ZNF503: variants seen among roughly 807,000 people sequenced by gnomAD.
The protein encoded by ZNF503 is zinc finger protein 503.
ZNF503 carries 15 observed loss-of-function variants against 34.4 expected under a neutral mutation model. The observed-to-expected ratio is 0.44, with a 90% CI of 0.29 to 0.67. The LOEUF (loss-of-function observed/expected upper bound fraction) is 0.67, where lower values mean the gene tolerates loss of function less well. Among genes scored for constraint, ZNF503 ranks in the 30% least tolerant of loss-of-function variants. ZNF503 has a pLI of 0.13. For synonymous variants in ZNF503, 580 were observed against 456.8 expected, an observed-to-expected ratio of 1.27 and a Z score of -3.44; for missense variants, 1,007 against 926.8, an observed-to-expected ratio of 1.09 and a Z score of -1.12.
rs538043663 is a variant in ZNF503, at chr10:75,399,558, C to T, written c.1132G>A (p.Gly378Ser). ...GGCTTGGTGGGGTCAAGTGCCACGC[C>T]GTGTGGCAGGAACTGGGGCGGGTAG... is the stretch of plus-strand genomic sequence containing the variant. ...AGYPPQFLPH[G>S]VALDPTKPGS... Residue 378 changes from glycine to serine, a missense_variant, in exon 2 of 2, where the codon GGC (glycine) becomes AGC (serine). By Grantham distance (56) the Gly-to-Ser change is moderately conservative. Coordinates refer to ENST00000372524, the MANE Select transcript of ZNF503 (RefSeq NM_032772.6). 2.5e-6 allele frequency: 4 copies of T among 1,595,384 alleles called. No individual in the cohort carries two copies. The highest frequency in any genetic ancestry group is 1.3e-5 in the African/African-American group (1 of 74,952).
chr10:75,365,473 A>G, the ZNF503 span, among the ~76,000 whole-genome samples: 1 of 152,230 alleles, frequency 6.6e-6, no homozygotes, highest in Non-Finnish European at 1.5e-5. Context: ...AGAAAGAAAA[A>G]AGAGAAATGA....
chr10:75,331,412 A>T, the ZNF503 span, among the ~76,000 whole-genome samples: 1 of 152,194 alleles, frequency 6.6e-6, no homozygotes, highest in African/African-American at 2.4e-5. Context: ...GAAGTCCCCA[A>T]CTATTTTGTA....
chr10:75,285,390 G>A, the ZNF503 span, among the ~76,000 whole-genome samples: 2 of 152,192 alleles, frequency 1.3e-5, no homozygotes, highest in Admixed American at 6.5e-5. Flanking sequence ...AATGACATTG[G>A]TGCCTTGGTC....
At chr10:75,370,675 A>G in the ZNF503 span, among the ~76,000 whole-genome samples, 1 of 149,996 alleles carries the variant, frequency 6.7e-6, no homozygotes, top group Non-Finnish European at 1.5e-5. Flanking sequence ...ACTACTCGGG[A>G]GGCTGAGGCA....
the ZNF503 span, among the ~76,000 whole-genome samples, chr10:75,322,847 A>G: frequency 6.6e-6 from 1 of 152,174 alleles, no homozygotes; most frequent in Non-Finnish European, 1.5e-5. Context: ...CTCAAAACCA[A>G]CTAACCAACC....
At chr10:75,295,238 A>C in the ZNF503 span, among the ~76,000 whole-genome samples, 1 of 150,960 alleles carries the variant, frequency 6.6e-6, no homozygotes, top group African/African-American at 2.4e-5. The surrounding 1 kb of genome is among the most constrained non-coding windows in gnomAD (Gnocchi z 4.0). Context: ...GGGTGGCAGG[A>C]GGAGGCAGGG....
At chr10:75,357,126 T>G in the ZNF503 span, among the ~76,000 whole-genome samples, 1 of 152,082 alleles carries the variant, frequency 6.6e-6, no homozygotes. Flanking sequence ...CCTTTTTTTT[T>G]TAAGCACAGG....
At chr10:75,360,114 C>CTTTTTTTT in the ZNF503 span, among the ~76,000 whole-genome samples, 1 of 108,488 alleles carries the variant, frequency 9.2e-6, no homozygotes, top group Non-Finnish European at 1.8e-5. Flanking sequence ...CCAAAGGTTT[C>CTTTTTTTT]TTTTTTTTTT....
chr10:75,287,942 C>T, the ZNF503 span, among the ~76,000 whole-genome samples: 1 of 152,182 alleles, frequency 6.6e-6, no homozygotes, highest in African/African-American at 2.4e-5. Context: ...TCTGCCGGGG[C>T]CCCTTCCCAC....
At chr10:75,287,191 G>C in the ZNF503 span, among the ~76,000 whole-genome samples, 1 of 152,094 alleles carries the variant, frequency 6.6e-6, no homozygotes, top group Non-Finnish European at 1.5e-5. Context: ...TCCTCTCCTT[G>C]TGCTTATGGT....
the ZNF503 span, among the ~76,000 whole-genome samples, chr10:75,287,837 T>C: frequency 5.3e-5 from 8 of 152,204 alleles, no homozygotes; most frequent in Non-Finnish European, 1.5e-5. Flanking sequence ...CTGAGTCTAG[T>C]TGCAAATTCC....
At chr10:75,295,916 C>A in the ZNF503 span, among the ~76,000 whole-genome samples, 817 of 152,190 alleles carry the variant, frequency 5.4e-3, 5 homozygotes, top group Middle Eastern at 0.02. This position sits in a 1 kb window ranked among gnomAD's most constrained non-coding sequence, Gnocchi z 4.0. Flanking sequence ...GGAAAAAGAA[C>A]CCCCCTCCAA....
At chr10:75,312,025 C>T in the ZNF503 span, among the ~76,000 whole-genome samples, 20 of 152,090 alleles carry the variant, frequency 1.3e-4, no homozygotes, top group African/African-American at 4.1e-4. Flanking sequence ...GATTACACCA[C>T]GCCCAGCCTG....
the ZNF503 span, among the ~76,000 whole-genome samples, chr10:75,292,460 C>T: frequency 9.2e-5 from 14 of 152,320 alleles, no homozygotes; most frequent in South Asian, 2.1e-4. Flanking sequence ...TTTGCTCCTG[C>T]GATACATTGG....
the ZNF503 span, among the ~76,000 whole-genome samples, chr10:75,373,776 T>A: frequency 1.3e-5 from 2 of 152,348 alleles, no homozygotes; most frequent in East Asian, 3.9e-4. Flanking sequence ...CATAAGTGAA[T>A]GGGCTTTGCA....
At chr10:75,379,871 A>C in the ZNF503 span, among the ~76,000 whole-genome samples, 2 of 152,214 alleles carry the variant, frequency 1.3e-5, no homozygotes, top group Admixed American at 1.3e-4. Flanking sequence ...TTGTTGCAGG[A>C]GAGAGGCCAT....
the ZNF503 span, among the ~76,000 whole-genome samples, chr10:75,391,810 T>TA: frequency 1.3e-5 from 2 of 152,222 alleles, no homozygotes; most frequent in East Asian, 3.9e-4. Flanking sequence ...TCCCTCCTTC[T>TA]AATATTTATT....
chr10:75,397,931 T>C lies in ZNF503; in HGVS notation c.*818A>G, dbSNP rs1170072578. On this transcript the variant is annotated 3_prime_UTR_variant, in exon 2 of 2. Transcript: ENST00000372524. ...ACATGACGTAAACCTTGTCCCCTTC[T>C]CAGCGGGTGGACTTAAAAATTAAAA... 2 of 152,684 alleles carry C rather than the reference T, an allele frequency of 1.3e-5. No homozygotes were observed. The highest frequency in any genetic ancestry group is 2.9e-5 in the Non-Finnish European group (2 of 68,044). The allele number at this position is 152,684 out of a possible 1,614,324, so 9.5% of individuals were successfully genotyped here.
the ZNF503 span, among the ~76,000 whole-genome samples, chr10:75,318,962 T>TCTC: frequency 6.6e-6 from 1 of 151,010 alleles, no homozygotes; most frequent in Non-Finnish European, 1.5e-5. Context: ...CTCTCTCTCT[T>TCTC]TCTTATTTCT....
Sources: gnomAD v4.1 joint callset for allele counts (sites outside exome capture counted in the v4.1 genomes callset) on GRCh38, gnomAD v4.1.1 for gene constraint, Gnocchi (gnomAD v3.1) non-coding constraint, MANE v1.5 for transcripts, NCBI Gene and HGNC (gene_info 2026-07-23, HGNC 2026-07-21) for gene names.